ITSN1: variants seen among roughly 807,000 people sequenced by gnomAD.
ITSN1 encodes intersectin-1.
In ITSN1, 58 loss-of-function variants were observed where a neutral mutation model predicts 239.8. The observed-to-expected ratio is 0.24, with a 90% CI of 0.20 to 0.30. The LOEUF is 0.30. Ranked by LOEUF, ITSN1 falls within the 10% of genes least tolerant of loss-of-function variation. ITSN1 has a pLI of 1.00. For missense variants in ITSN1, 1,558 were observed against 2,103.3 expected (o/e 0.74, Z 5.07); for synonymous variants, 780 against 770.8 (o/e 1.01, Z -0.20).
At position 33,668,485 on chromosome 21, in the gene ITSN1, C is replaced by A. The variant is rs567044760; in HGVS notation, c.-33+25772C>A. On this transcript the variant is annotated intron_variant, in intron 1 of 39. Coordinates refer to ENST00000381318, the MANE Select transcript of ITSN1 (RefSeq NM_003024.3). Reference sequence around the variant, plus strand: ...CTGAAGGACATCCCCGCCTACTTCCCTTTTGCTCTTCTTACTATCAGTCTT... The same window carrying A: ...CTGAAGGACATCCCCGCCTACTTCCATTTTGCTCTTCTTACTATCAGTCTT... Among the ~76,000 whole-genome samples, 8 of 152,286 alleles carry A rather than the reference C, an allele frequency of 5.3e-5. No homozygotes were observed. The East Asian group carries it at 1.4e-3, about 26-fold the overall frequency.
chr21:33,677,707 A>G (rs1466220761), intron 1 of ITSN1, among the ~76,000 whole-genome samples: 6 of 152,108 alleles, frequency 3.9e-5, no homozygotes, highest in Admixed American at 2.0e-4. Flanking sequence ...GTCTTAGTAA[A>G]TAGCGCTGTC....
intron 8 of ITSN1, 30 bp downstream of exon 8, chr21:33,755,427 G>T: frequency 1.6e-6 from 2 of 1,234,536 alleles, no homozygotes; most frequent in Non-Finnish European, 2.3e-6. Context: ...AGTGAAATAT[G>T]ATCTTTGTTT....
At chr21:33,880,819 T>C (rs1682348472) in intron 34 of ITSN1, among the ~76,000 whole-genome samples, 1 of 151,988 alleles carries the variant, frequency 6.6e-6, no homozygotes, top group African/African-American at 2.4e-5. Flanking sequence ...GACTGGGTCA[T>C]CTTACTCCTG....
intron 26 of ITSN1, 42 bp from the exon 27 acceptor site, chr21:33,829,582 G>T: frequency 6.2e-7 from 1 of 1,604,366 alleles, no homozygotes; most frequent in Non-Finnish European, 8.5e-7. Flanking sequence ...TTCTCCTGCT[G>T]ACTCTTAACA....
At chr21:33,823,317 G>A (rs992292949) in intron 24 of ITSN1, among the ~76,000 whole-genome samples, 170 bp from the exon 25 acceptor site, 8 of 152,218 alleles carry the variant, frequency 5.3e-5, no homozygotes, top group African/African-American at 1.9e-4. Flanking sequence ...TGCACTGGGG[G>A]AATGTGGAGC....
chr21:33,817,014 A>G (rs573879085), intron 22 of ITSN1, among the ~76,000 whole-genome samples: 10 of 152,314 alleles, frequency 6.6e-5, no homozygotes, highest in African/African-American at 9.6e-5. Context: ...CTCATCAGAC[A>G]TAATCATAAC....
intron 29 of ITSN1, among the ~76,000 whole-genome samples, chr21:33,843,594 C>T (rs1456998114): frequency 1.3e-5 from 2 of 152,202 alleles, no homozygotes; most frequent in African/African-American, 4.8e-5. Context: ...CAAGTTCAGC[C>T]TAATATTTTA....
intron 39 of ITSN1, among the ~76,000 whole-genome samples, chr21:33,887,599 A>C (rs1025420235): frequency 4.6e-5 from 7 of 151,156 alleles, no homozygotes; most frequent in Admixed American, 1.3e-4. Flanking sequence ...TTTTCTTTTT[A>C]TTTTTTTTAT....
At chr21:33,698,906 G>T (rs768930630) in intron 1 of ITSN1, among the ~76,000 whole-genome samples, 2 of 152,068 alleles carry the variant, frequency 1.3e-5, no homozygotes, top group Non-Finnish European at 2.9e-5. Flanking sequence ...TAAGAGAAAG[G>T]TTTCCTTGTA....
chr21:33,834,629 A>G (rs899077005), intron 28 of ITSN1, among the ~76,000 whole-genome samples: 2 of 152,230 alleles, frequency 1.3e-5, no homozygotes, highest in Non-Finnish European at 2.9e-5. Flanking sequence ...TCTGTGCTGG[A>G]TACAACAGAA....
At chr21:33,730,416 T>C (rs1370359707) in intron 4 of ITSN1, among the ~76,000 whole-genome samples, 6 of 141,912 alleles carry the variant, frequency 4.2e-5, no homozygotes, top group South Asian at 2.3e-4. Flanking sequence ...TTTTTTTTTT[T>C]CTGGAGACAG....
At chr21:33,745,792 C>G (rs1362649325) in intron 5 of ITSN1, among the ~76,000 whole-genome samples, 2 of 152,114 alleles carry the variant, frequency 1.3e-5, no homozygotes, top group African/African-American at 4.8e-5. Flanking sequence ...ATGGCCAGGG[C>G]AAGTATATTC....
chr21:33,853,301 C>A (rs775629270), intron 29 of ITSN1, among the ~76,000 whole-genome samples: 1 of 152,226 alleles, frequency 6.6e-6, no homozygotes, highest in South Asian at 2.1e-4. Flanking sequence ...CTTCCCCTGA[C>A]CTCCAAGCTC....
intron 1 of ITSN1, among the ~76,000 whole-genome samples, chr21:33,682,403 C>CAT (rs1568927696): frequency 1.3e-5 from 2 of 151,692 alleles, no homozygotes; most frequent in Non-Finnish European, 2.9e-5. Context: ...TTGGTAGAGG[C>CAT]GGGGTTTCTC....
intron 1 of ITSN1, among the ~76,000 whole-genome samples, chr21:33,705,657 G>T (rs1183244272): frequency 1.3e-5 from 2 of 152,092 alleles, no homozygotes; most frequent in African/African-American, 2.4e-5. Context: ...CTCCCAAAGT[G>T]CTGGGATTAC....
intron 33 of ITSN1, among the ~76,000 whole-genome samples, chr21:33,868,915 G>A (rs1008795262): frequency 3.3e-5 from 5 of 152,106 alleles, no homozygotes; most frequent in Admixed American, 6.5e-5. Flanking sequence ...TGACCAAGTG[G>A]CTTCTACCTT....
chr21:33,650,986 C>CGG (rs1555843095), intron 1 of ITSN1, among the ~76,000 whole-genome samples: 4 of 151,672 alleles, frequency 2.6e-5, no homozygotes, highest in Non-Finnish European at 4.4e-5. Flanking sequence ...AACTTGGTAG[C>CGG]GGGGTTACCA....
intron 1 of ITSN1, among the ~76,000 whole-genome samples, chr21:33,709,067 G>A (rs1356755378): frequency 6.6e-6 from 1 of 152,088 alleles, no homozygotes; most frequent in East Asian, 1.9e-4. Context: ...AGTAAATCTT[G>A]AAATCAGGGT....
chr21:33,862,016 A>G (rs1225572427), intron 31 of ITSN1, among the ~76,000 whole-genome samples: 7 of 135,850 alleles, frequency 5.2e-5, no homozygotes, highest in African/African-American at 2.0e-4. Flanking sequence ...AAAAAAAAAG[A>G]GCTGTGCGTG....
Sources: gnomAD v4.1 joint callset for allele counts (sites outside exome capture counted in the v4.1 genomes callset) on GRCh38, gnomAD v4.1.1 for gene constraint, MANE v1.5 for transcripts, NCBI Gene and HGNC (gene_info 2026-07-23, HGNC 2026-07-21) for gene names.